BTBD9: variants seen among roughly 807,000 people sequenced by gnomAD.
BTBD9 encodes BTB/POZ domain-containing protein 9.
Under a neutral mutation model 64.3 loss-of-function variants are expected in BTBD9, and 49 were observed. The ratio of observed to expected loss-of-function variants is 0.76; its 90% CI spans 0.61 to 0.97. The LOEUF is 0.97. BTBD9 is among the 50% of genes least tolerant of loss of function. The pLI, the probability that BTBD9 is intolerant of heterozygous loss-of-function variation, is 0.00. For synonymous variants in BTBD9, 260 were observed against 274.7 expected, an observed-to-expected ratio of 0.95 and a Z score of 0.53; for missense variants, 598 against 762.1, an observed-to-expected ratio of 0.78 and a Z score of 2.53.
At chr6:38,471,914 T>C (rs1229422460) in intron 6 of BTBD9, among the ~76,000 whole-genome samples, 1 of 152,250 alleles carries the variant, frequency 6.6e-6, no homozygotes, top group Non-Finnish European at 1.5e-5. Context: ...GCAATAATGA[T>C]TGCCTCTTTT....
intron 6 of BTBD9, among the ~76,000 whole-genome samples, chr6:38,408,046 T>G (rs987464313): frequency 1.3e-5 from 2 of 152,144 alleles, no homozygotes; most frequent in African/African-American, 4.8e-5. Context: ...TACTAACACT[T>G]GAAGGACACG....
intron 9 of BTBD9, among the ~76,000 whole-genome samples, chr6:38,241,060 T>TC (rs2127524441): frequency 6.6e-6 from 1 of 152,292 alleles, no homozygotes; most frequent in Non-Finnish European, 1.5e-5. Context: ...CAGGAGCCCC[T>TC]CCTTCTCCCA....
chr6:38,500,407 TG>T (rs1366574170), intron 6 of BTBD9, among the ~76,000 whole-genome samples: 1 of 152,248 alleles, frequency 6.6e-6, no homozygotes, highest in Non-Finnish European at 1.5e-5. Flanking sequence ...TAATTTCATC[TG>T]GGTTTTTCAA....
At chr6:38,297,845 T>C (rs950209397) in intron 7 of BTBD9, among the ~76,000 whole-genome samples, 5 of 150,466 alleles carry the variant, frequency 3.3e-5, no homozygotes, top group African/African-American at 1.2e-4. Flanking sequence ...AGTTTTCTTT[T>C]TTTTTTTTTT....
intron 4 of BTBD9, chr6:38,587,310 C>A: frequency 2.4e-6 from 1 of 418,526 alleles, no homozygotes; most frequent in Non-Finnish European, 4.8e-6. Flanking sequence ...GATAGAACAT[C>A]CTGGAGTCCA....
intron 6 of BTBD9, among the ~76,000 whole-genome samples, chr6:38,497,987 G>A (rs1772028615): frequency 6.6e-6 from 1 of 152,164 alleles, no homozygotes; most frequent in African/African-American, 2.4e-5. Flanking sequence ...ATGGATTTAA[G>A]GCTGAGATGC....
intron 9 of BTBD9, among the ~76,000 whole-genome samples, chr6:38,197,963 G>C (rs1762321816): frequency 6.6e-6 from 1 of 152,182 alleles, no homozygotes. Flanking sequence ...GGCGAGGACT[G>C]GGACTGCTGA....
chr6:38,621,384 C>T (rs537304874), intron 1 of BTBD9, among the ~76,000 whole-genome samples: 6 of 152,200 alleles, frequency 3.9e-5, no homozygotes, highest in African/African-American at 9.7e-5. Flanking sequence ...AGACTTATGC[C>T]GCCTGAGAGG....
chr6:38,501,523 T>C (rs1303655908), intron 6 of BTBD9, among the ~76,000 whole-genome samples: 3 of 152,172 alleles, frequency 2.0e-5, no homozygotes, highest in Non-Finnish European at 4.4e-5. Context: ...CCTTTTTGCA[T>C]CTAGTTTTTC....
At chr6:38,557,151 G>C (rs1312981091) in intron 6 of BTBD9, among the ~76,000 whole-genome samples, 1 of 144,582 alleles carries the variant, frequency 6.9e-6, no homozygotes, top group Non-Finnish European at 1.5e-5. Flanking sequence ...TTTGAGAACA[G>C]TCTGGCCAAC....
intron 1 of BTBD9, among the ~76,000 whole-genome samples, chr6:38,626,660 G>C (rs1020443006): frequency 6.6e-6 from 1 of 152,162 alleles, no homozygotes; most frequent in Non-Finnish European, 1.5e-5. Flanking sequence ...CAACTTACAT[G>C]AATTTAACTA....
In BTBD9 at chr6:38,592,785, A is replaced by G; in HGVS notation, c.605T>C (p.Ile202Thr). 3 of 1,614,202 alleles carry G rather than the reference A, an allele frequency of 1.9e-6. No individual in the cohort carries two copies. The highest frequency in any genetic ancestry group is 4.5e-5 in the East Asian group (2 of 44,888). The change falls in exon 4 of 11, where the codon ATT (isoleucine) becomes ACT (threonine). Residue 202 changes from isoleucine to threonine, a missense_variant. Transcript: ENST00000481247. ...RDSFAAPEKD[I>T]FLALLNWCKH... is the part of the protein sequence containing the mutation. Reference sequence around the variant, plus strand: ...ACACCAGTTTAATAAGGCTAGGAAAATATCTTTTTCGGGAGCTGCAAATGA... The same window carrying G: ...ACACCAGTTTAATAAGGCTAGGAAAGTATCTTTTTCGGGAGCTGCAAATGA...
intron 7 of BTBD9, among the ~76,000 whole-genome samples, chr6:38,305,471 T>C (rs1314516360): frequency 6.6e-6 from 1 of 151,852 alleles, no homozygotes; most frequent in Admixed American, 6.6e-5. Flanking sequence ...CTATAAAAGG[T>C]TATTGTTTTT....
At chr6:38,404,195 C>T (rs1767068199) in intron 6 of BTBD9, among the ~76,000 whole-genome samples, 1 of 152,156 alleles carries the variant, frequency 6.6e-6, no homozygotes, top group Admixed American at 6.6e-5. Context: ...CTTAATTGTA[C>T]ACCTTAAAAT....
At chr6:38,610,428 C>T (rs981635942) in intron 1 of BTBD9, among the ~76,000 whole-genome samples, 8 of 152,110 alleles carry the variant, frequency 5.3e-5, no homozygotes, top group African/African-American at 1.7e-4. Context: ...TCCATGCAGA[C>T]AACACAGCAA....
intron 1 of BTBD9, among the ~76,000 whole-genome samples, chr6:38,629,015 C>T (rs186537142): frequency 4.0e-4 from 60 of 150,724 alleles, no homozygotes; most frequent in African/African-American, 1.4e-3. Flanking sequence ...TGGTCAAATA[C>T]GGAACAATAT....
chr6:38,266,501 A>G (rs1186930033), intron 8 of BTBD9, among the ~76,000 whole-genome samples: 1 of 152,008 alleles, frequency 6.6e-6, no homozygotes, highest in Non-Finnish European at 1.5e-5. Context: ...TGGACCCGAG[A>G]GAAGGGGGTT....
intron 7 of BTBD9, among the ~76,000 whole-genome samples, chr6:38,325,378 G>T (rs376467507): frequency 6.6e-6 from 1 of 152,136 alleles, no homozygotes; most frequent in East Asian, 1.9e-4. Flanking sequence ...TATACCTAAT[G>T]GATACCTGTT....
At chr6:38,550,807 A>G (rs553976530) in intron 6 of BTBD9, among the ~76,000 whole-genome samples, 9 of 152,214 alleles carry the variant, frequency 5.9e-5, no homozygotes, top group Admixed American at 6.5e-5. Flanking sequence ...CCTAGTAGTT[A>G]GAACAATCAA....
Sources: gnomAD v4.1 joint callset for allele counts (sites outside exome capture counted in the v4.1 genomes callset) on GRCh38, gnomAD v4.1.1 for gene constraint, MANE v1.5 for transcripts, NCBI Gene and HGNC (gene_info 2026-07-23, HGNC 2026-07-21) for gene names.